PTPRG: variants seen among roughly 807,000 people sequenced by gnomAD.
PTPRG encodes the protein protein tyrosine phosphatase receptor type G, also known as receptor-type tyrosine-protein phosphatase gamma.
Under a neutral mutation model 165.3 loss-of-function variants are expected in PTPRG, and 102 were observed. The ratio of observed to expected loss-of-function variants is 0.62; its 90% CI spans 0.53 to 0.73. PTPRG has a LOEUF of 0.73. Ranked by LOEUF, PTPRG falls within the 30% of genes least tolerant of loss-of-function variation. The pLI is 0.00. For synonymous variants in PTPRG, 675 were observed against 669.5 expected, an observed-to-expected ratio of 1.01 and a Z score of -0.13; for missense variants, 1,866 against 1,861.4, an observed-to-expected ratio of 1.00 and a Z score of -0.05.
At chr3:62,089,937 A>G (rs1701874040) in intron 5 of PTPRG, among the ~76,000 whole-genome samples, 1 of 152,198 alleles carries the variant, frequency 6.6e-6, no homozygotes, top group Admixed American at 6.5e-5. Context: ...CTGTAAATAA[A>G]ATTGCAATGG....
intron 1 of PTPRG, among the ~76,000 whole-genome samples, chr3:61,723,636 A>G (rs1323491511): frequency 6.6e-6 from 1 of 152,222 alleles, no homozygotes; most frequent in Non-Finnish European, 1.5e-5. Flanking sequence ...GGAAGGTGCC[A>G]AGATAGTACA....
intron 2 of PTPRG, among the ~76,000 whole-genome samples, chr3:61,868,622 C>T (rs1038348583): frequency 2.0e-5 from 3 of 152,174 alleles, no homozygotes; most frequent in African/African-American, 7.2e-5. Flanking sequence ...GCAAAGTGAA[C>T]ACACTTGGCT....
intron 2 of PTPRG, among the ~76,000 whole-genome samples, chr3:61,827,487 C>G (rs141727786): frequency 7.9e-5 from 12 of 152,290 alleles, no homozygotes; most frequent in African/African-American, 2.9e-4. Flanking sequence ...GGTCAGAAAT[C>G]ATCTCATGTC....
At chr3:61,692,563 G>A (rs1235240108) in intron 1 of PTPRG, among the ~76,000 whole-genome samples, 2 of 152,104 alleles carry the variant, frequency 1.3e-5, no homozygotes, top group Non-Finnish European at 2.9e-5. Flanking sequence ...GGCTGAGTCC[G>A]AAAAGAGAGT....
At chr3:61,738,750 A>C (rs1279718335) in intron 1 of PTPRG, among the ~76,000 whole-genome samples, 1 of 151,518 alleles carries the variant, frequency 6.6e-6, no homozygotes, top group East Asian at 1.9e-4. Context: ...CCTTAACTCA[A>C]GTTGTAACTT....
chr3:61,593,070 G>T lies in PTPRG; in HGVS notation c.85+30698G>T, dbSNP rs528485412. ...CATTACCTGGAAGCTTGTTGGAAAT[G>T]CAGACTCATAGACTCTTAGGCCCCA... On this transcript the variant is annotated intron_variant, in intron 1 of 29. Transcript: ENST00000474889. Among the ~76,000 whole-genome samples the T allele has an allele frequency of 3.3e-5, 5 of 152,296 alleles. No individual in the cohort carries two copies. In the South Asian group the frequency reaches 1.0e-3, roughly 32 times the overall value.
At chr3:62,007,016 A>G (rs935035217) in intron 4 of PTPRG, among the ~76,000 whole-genome samples, 2 of 152,142 alleles carry the variant, frequency 1.3e-5, no homozygotes, top group Non-Finnish European at 2.9e-5. Flanking sequence ...TAGAGAGTAA[A>G]TGTACCTTGC....
chr3:61,595,177 A>G (rs1369722293), intron 1 of PTPRG, among the ~76,000 whole-genome samples: 2 of 150,744 alleles, frequency 1.3e-5, no homozygotes, highest in Non-Finnish European at 2.9e-5. Flanking sequence ...ACCGAACAAG[A>G]TGTGTTTGTT....
chr3:61,781,156 T>C (rs2034533514), intron 2 of PTPRG, among the ~76,000 whole-genome samples: 1 of 152,244 alleles, frequency 6.6e-6, no homozygotes, highest in African/African-American at 2.4e-5. Context: ...GAAAGATGCC[T>C]TGGGGCTGAA....
intron 1 of PTPRG, among the ~76,000 whole-genome samples, chr3:61,736,412 G>A (rs1186818856): frequency 6.6e-6 from 1 of 151,530 alleles, no homozygotes; most frequent in Non-Finnish European, 1.5e-5. Context: ...TATTTTCTCT[G>A]TGAATACTTG....
chr3:61,891,682 T>C (rs979800790), intron 2 of PTPRG, among the ~76,000 whole-genome samples: 3 of 152,226 alleles, frequency 2.0e-5, no homozygotes, highest in African/African-American at 7.2e-5. Context: ...AGGCTAGTTT[T>C]AAACTAGAAA....
chr3:61,618,593 A>C (rs1701364605), intron 1 of PTPRG, among the ~76,000 whole-genome samples: 1 of 152,166 alleles, frequency 6.6e-6, no homozygotes, highest in African/African-American at 2.4e-5. Flanking sequence ...GTGGATGTCG[A>C]GGGGAAAAAA....
rs186529524 is a variant in PTPRG, at chr3:61,766,593, A to G, written c.190+17611A>G. Among the ~76,000 whole-genome samples the G allele has an allele frequency of 3.3e-5, 5 of 150,562 alleles. No individual in the cohort carries two copies. In the East Asian group the frequency reaches 9.7e-4, roughly 29 times the overall value. ...GTTCGTATCACACATGTATTATTTA[A>G]CACCATTATTAATGTTAAAAAAAAT... On this transcript the variant is annotated intron_variant, in intron 2 of 29. Coordinates refer to ENST00000474889, the MANE Select transcript of PTPRG (RefSeq NM_002841.4).
intron 2 of PTPRG, among the ~76,000 whole-genome samples, chr3:61,883,132 C>G (rs992343199): frequency 5.3e-5 from 8 of 152,138 alleles, no homozygotes; most frequent in African/African-American, 1.9e-4. Context: ...GGGTGTCTGT[C>G]CTTGGGGACT....
At chr3:61,902,508 A>G (rs1357022028) in intron 2 of PTPRG, among the ~76,000 whole-genome samples, 2 of 152,188 alleles carry the variant, frequency 1.3e-5, no homozygotes, top group African/African-American at 4.8e-5. Context: ...CCCCTAAGGA[A>G]GAAAACTCAC....
At chr3:62,099,620 A>T (rs1702221199) in intron 5 of PTPRG, among the ~76,000 whole-genome samples, 1 of 152,116 alleles carries the variant, frequency 6.6e-6, no homozygotes, top group Non-Finnish European at 1.5e-5. Context: ...TAATGACATG[A>T]GCCATGTTAT....
chr3:61,608,335 A>G (rs772354370), intron 1 of PTPRG, among the ~76,000 whole-genome samples: 18 of 152,178 alleles, frequency 1.2e-4, no homozygotes, highest in African/African-American at 9.7e-5. Flanking sequence ...CAGGTTGGCT[A>G]TATTTGGTTC....
intron 1 of PTPRG, among the ~76,000 whole-genome samples, chr3:61,640,324 G>C (rs1008807247): frequency 2.6e-5 from 4 of 152,162 alleles, no homozygotes; most frequent in Non-Finnish European, 5.9e-5. Flanking sequence ...CCTCTGGAGA[G>C]ATCAGAGTAG....
chr3:62,130,828 C>G (rs780526519), intron 5 of PTPRG, among the ~76,000 whole-genome samples: 3 of 152,146 alleles, frequency 2.0e-5, no homozygotes, highest in Non-Finnish European at 2.9e-5. Context: ...AAGAATGTTT[C>G]ACGCTTCAGT....
Sources: gnomAD v4.1 joint callset for allele counts (sites outside exome capture counted in the v4.1 genomes callset) on GRCh38, gnomAD v4.1.1 for gene constraint, MANE v1.5 for transcripts, NCBI Gene and HGNC (gene_info 2026-07-23, HGNC 2026-07-21) for gene names.